The following FAM168A variants were observed in gnomAD, a reference collection of about 807,000 sequenced individuals.
FAM168A encodes the protein protein FAM168A.
FAM168A carries 3 observed loss-of-function variants against 28.5 expected under a neutral mutation model. The ratio of observed to expected loss-of-function variants is 0.11; its 90% confidence interval spans 0.05 to 0.27. FAM168A has a LOEUF of 0.27. Among genes scored for constraint, FAM168A ranks in the 10% least tolerant of loss-of-function variants. FAM168A has a pLI of 1.00. For missense variants in FAM168A, 222 were observed against 311.5 expected, an observed-to-expected ratio of 0.71 and a Z score of 2.16; for synonymous variants, 122 against 124.2, an observed-to-expected ratio of 0.98 and a Z score of 0.12.
chr11:73,460,917 CTAAG>C (rs1384034676), intron 2 of FAM168A, among the ~76,000 whole-genome samples: 1 of 152,120 alleles, frequency 6.6e-6, no homozygotes, highest in Non-Finnish European at 1.5e-5. Flanking sequence ...AGAAATCTAA[CTAAG>C]TGTGTTGGAA....
At chr11:73,422,787 C>CGA (rs34383017) in intron 3 of FAM168A, among the ~76,000 whole-genome samples, 7 of 151,540 alleles carry the variant, frequency 4.6e-5, no homozygotes, top group South Asian at 2.1e-4. Context: ...CTCAATTAAA[C>CGA]GAGAGAGAGA....
In FAM168A at chr11:73,522,358, C is replaced by G. The variant is rs981562595; in HGVS notation, c.-18-53866G>C. On this transcript the variant is annotated intron_variant, in intron 1 of 7. Transcript: ENST00000356467. The stretch of plus-strand genomic sequence containing the variant: ...GTTTTGAGACGGAGTCTCGTTCTGT[C>G]GCCCAGGCTGGAGTGCAGTGGTGCG... Among the ~76,000 whole-genome samples the G allele has an allele frequency of 3.9e-5, 6 of 152,124 alleles. No individual in the cohort carries two copies. In the South Asian group the frequency reaches 1.2e-3, roughly 32 times the overall value.
intron 4 of FAM168A, among the ~76,000 whole-genome samples, chr11:73,412,582 T>C (rs1866633061): frequency 6.6e-6 from 1 of 152,160 alleles, no homozygotes; most frequent in Admixed American, 6.5e-5. Flanking sequence ...GGAACCCAAG[T>C]GATCATCAAG....
intron 1 of FAM168A, among the ~76,000 whole-genome samples, chr11:73,527,709 G>A (rs564720943): frequency 3.3e-5 from 5 of 151,984 alleles, no homozygotes; most frequent in Non-Finnish European, 7.3e-5. Flanking sequence ...GTTTTGCCCA[G>A]GTGGGTTCTA....
intron 1 of FAM168A, among the ~76,000 whole-genome samples, chr11:73,573,386 T>C (rs1944130962): frequency 6.6e-6 from 1 of 152,202 alleles, no homozygotes; most frequent in South Asian, 2.1e-4. Context: ...TCCCACTTCC[T>C]TGTTCTAGGG....
chr11:73,535,885 T>C (rs1943573620), intron 1 of FAM168A, among the ~76,000 whole-genome samples: 1 of 151,682 alleles, frequency 6.6e-6, no homozygotes, highest in Admixed American at 6.6e-5. Flanking sequence ...TTTTTTTTTT[T>C]TGAGACAGGG....
At chr11:73,462,030 C>T (rs1179287125) in intron 2 of FAM168A, among the ~76,000 whole-genome samples, 1 of 152,054 alleles carries the variant, frequency 6.6e-6, no homozygotes, top group African/African-American at 2.4e-5. Context: ...ATGTAAAATG[C>T]TGCAGCCACT....
intron 1 of FAM168A, among the ~76,000 whole-genome samples, chr11:73,492,148 G>A (rs770435942): frequency 5.3e-5 from 8 of 152,070 alleles, no homozygotes; most frequent in East Asian, 3.9e-4. Flanking sequence ...CTCCTCACAC[G>A]CCAAGCCCAA....
chr11:73,419,001 A>G lies in FAM168A; in HGVS notation c.277+873T>C, dbSNP rs11235747. Among the ~76,000 whole-genome samples the G allele has an allele frequency of 9.2e-5, 14 of 152,042 alleles. 1 individual carries two copies. Among genetic ancestry groups the G allele is most frequent in the East Asian group, 5.8e-4 (3 of 5,162 alleles). ...TTTTTTTTGTATTTTTAGTGGAGAC[A>G]GGGTTTCACCGTGTTAGCCAGGATG... On this transcript the variant is annotated intron_variant, in intron 4 of 7. Coordinates refer to ENST00000356467, the MANE Select transcript of FAM168A (RefSeq NM_015159.3).
intron 1 of FAM168A, among the ~76,000 whole-genome samples, chr11:73,470,307 G>A (rs549855197): frequency 6.6e-6 from 1 of 152,190 alleles, no homozygotes; most frequent in Non-Finnish European, 1.5e-5. Context: ...CAACAACACA[G>A]AGACTACTTG....
intron 1 of FAM168A, among the ~76,000 whole-genome samples, chr11:73,591,584 A>G (rs1430883803): frequency 6.6e-6 from 1 of 152,202 alleles, no homozygotes; most frequent in Admixed American, 6.5e-5. Flanking sequence ...ATCATAGCTC[A>G]CTGTAGCCTC....
At chr11:73,568,373 G>C (rs1216477034) in intron 1 of FAM168A, among the ~76,000 whole-genome samples, 1 of 152,142 alleles carries the variant, frequency 6.6e-6, no homozygotes, top group African/African-American at 2.4e-5. Context: ...ACACTCTTAG[G>C]TGAGGGGTTA....
intron 2 of FAM168A, among the ~76,000 whole-genome samples, chr11:73,438,215 T>G (rs1867127235): frequency 6.6e-6 from 1 of 152,190 alleles, no homozygotes; most frequent in Non-Finnish European, 1.5e-5. Context: ...TACAGTCTAA[T>G]GGGAAAATAA....
At chr11:73,573,497 T>C (rs1366781653) in intron 1 of FAM168A, among the ~76,000 whole-genome samples, 1 of 152,206 alleles carries the variant, frequency 6.6e-6, no homozygotes, top group Non-Finnish European at 1.5e-5. Context: ...TCATTTCCAC[T>C]ATGCAGTTAC....
intron 1 of FAM168A, among the ~76,000 whole-genome samples, chr11:73,485,766 G>A (rs761811861): frequency 1.3e-5 from 2 of 152,112 alleles, no homozygotes; most frequent in Admixed American, 1.3e-4. Flanking sequence ...ACTTTGTCCA[G>A]ATGCCCTGCT....
chr11:73,474,464 A>G (rs887181848), intron 1 of FAM168A, among the ~76,000 whole-genome samples: 5 of 152,098 alleles, frequency 3.3e-5, no homozygotes, highest in African/African-American at 1.2e-4. Flanking sequence ...TAGTCTCCCA[A>G]GTAGCTCCCT....
chr11:73,540,509 G>T (rs965826190), intron 1 of FAM168A, among the ~76,000 whole-genome samples: 1 of 152,066 alleles, frequency 6.6e-6, no homozygotes, highest in Non-Finnish European at 1.5e-5. Context: ...CATTTTGTCT[G>T]CCTCCTGCCC....
intron 1 of FAM168A, among the ~76,000 whole-genome samples, chr11:73,507,962 A>G (rs150877304): frequency 3.0e-4 from 46 of 152,282 alleles, no homozygotes; most frequent in Middle Eastern, 3.4e-3. Context: ...TACTTCACAG[A>G]TATAATACAA....
intron 1 of FAM168A, among the ~76,000 whole-genome samples, chr11:73,572,065 C>T (rs1328986858): frequency 1.3e-5 from 2 of 151,940 alleles, no homozygotes; most frequent in South Asian, 2.1e-4. Context: ...GCAGCCACCC[C>T]GTCTGGGAAG....
Sources: gnomAD v4.1 joint callset for allele counts (sites outside exome capture counted in the v4.1 genomes callset) on GRCh38, gnomAD v4.1.1 for gene constraint, MANE v1.5 for transcripts, NCBI Gene and HGNC (gene_info 2026-07-23, HGNC 2026-07-21) for gene names.